The following CADM2 variants were observed in gnomAD, a reference collection of about 807,000 sequenced individuals.
The protein encoded by CADM2 is cell adhesion molecule 2.
In CADM2, 12 loss-of-function variants were observed where a neutral mutation model predicts 49.8. The observed-to-expected ratio is 0.24, with a 90% CI of 0.15 to 0.39. CADM2 has a LOEUF of 0.39. Among genes scored for constraint, CADM2 ranks in the 10% least tolerant of loss-of-function variants. The pLI is 1.00. For missense variants in CADM2, 378 were observed against 492.3 expected (o/e 0.77, Z 2.20); for synonymous variants, 214 against 175.4 (o/e 1.22, Z -1.74).
intron 1 of CADM2, among the ~76,000 whole-genome samples, chr3:85,487,502 T>G (rs1280666437): frequency 1.6e-4 from 21 of 130,420 alleles, no homozygotes; most frequent in East Asian, 2.3e-4. Flanking sequence ...GGAAGAGGAG[T>G]AGGAGGAAGT....
chr3:85,318,559 A>G (rs2044524828), intron 1 of CADM2, among the ~76,000 whole-genome samples: 1 of 152,192 alleles, frequency 6.6e-6, no homozygotes, highest in Non-Finnish European at 1.5e-5. Context: ...ACAAAGAAAC[A>G]AGGTCCAAAC....
intron 1 of CADM2, among the ~76,000 whole-genome samples, chr3:85,322,209 A>G (rs1164264461): frequency 2.0e-5 from 3 of 152,194 alleles, no homozygotes; most frequent in Non-Finnish European, 4.4e-5. Context: ...AATATATTCA[A>G]TGTTATAATA....
intron 1 of CADM2, among the ~76,000 whole-genome samples, chr3:85,554,863 CTTTATTTTTTTTATT>C (rs2061912237): frequency 1.6e-5 from 2 of 127,192 alleles, no homozygotes; most frequent in African/African-American, 5.2e-5. Context: ...TTTTATTTGA[CTTTATTTTTTTTATT>C]TTTATTTTTT....
chr3:85,232,326 T>C (rs2042312563), intron 1 of CADM2, among the ~76,000 whole-genome samples: 1 of 152,074 alleles, frequency 6.6e-6, no homozygotes, highest in South Asian at 2.1e-4. Context: ...TAGAAAATTC[T>C]GAAGTAGGAC....
At chr3:85,104,041 CTTTAG>C (rs1395840273) in intron 1 of CADM2, among the ~76,000 whole-genome samples, 2 of 152,024 alleles carry the variant, frequency 1.3e-5, no homozygotes, top group East Asian at 3.9e-4. Context: ...TGCAGAAGCT[CTTTAG>C]TTTAATTAGA....
At chr3:86,041,409 A>C (rs1559819263) in intron 8 of CADM2, among the ~76,000 whole-genome samples, 1 of 152,144 alleles carries the variant, frequency 6.6e-6, no homozygotes, top group Admixed American at 6.5e-5. Flanking sequence ...AATGGAAAAC[A>C]AAAAAAGGCA....
intron 1 of CADM2, among the ~76,000 whole-genome samples, chr3:85,362,606 C>T (rs2032439678): frequency 1.3e-5 from 2 of 152,196 alleles, no homozygotes; most frequent in South Asian, 4.1e-4. Context: ...CTTCTCTATA[C>T]ATTCACCTAT....
At chr3:85,265,047 G>C (rs879505968) in intron 1 of CADM2, among the ~76,000 whole-genome samples, 1 of 151,920 alleles carries the variant, frequency 6.6e-6, no homozygotes, top group Non-Finnish European at 1.5e-5. Flanking sequence ...AAAGCTCTTA[G>C]AACAACATTC....
At chr3:85,432,509 C>T (rs11716233) in intron 1 of CADM2, among the ~76,000 whole-genome samples, 25,275 of 151,976 alleles carry the variant, frequency 0.17, 2,643 homozygotes, top group Non-Finnish European at 0.23. Context: ...ATTGTCATTT[C>T]CAATTCTGAA....
chr3:85,369,215 G>A (rs1179759357), intron 1 of CADM2, among the ~76,000 whole-genome samples: 1 of 152,146 alleles, frequency 6.6e-6, no homozygotes, highest in Non-Finnish European at 1.5e-5. Flanking sequence ...ATTAATGATG[G>A]CGAATTGTAC....
intron 1 of CADM2, among the ~76,000 whole-genome samples, chr3:85,102,395 A>G (rs895059003): frequency 1.3e-5 from 2 of 152,212 alleles, no homozygotes; most frequent in African/African-American, 4.8e-5. Context: ...TTCAGTTACA[A>G]GCACAGAGAG....
At chr3:85,445,694 A>T (rs546249456) in intron 1 of CADM2, among the ~76,000 whole-genome samples, 1 of 152,178 alleles carries the variant, frequency 6.6e-6, no homozygotes, top group South Asian at 2.1e-4. Context: ...AGGAATTAAT[A>T]GTGGGAGGGA....
At chr3:85,069,285 T>A (rs2036637299) in intron 1 of CADM2, among the ~76,000 whole-genome samples, 1 of 152,162 alleles carries the variant, frequency 6.6e-6, no homozygotes, top group Non-Finnish European at 1.5e-5. Flanking sequence ...ATTTGTGACT[T>A]GGCTACAATT....
intron 8 of CADM2, among the ~76,000 whole-genome samples, chr3:86,009,606 A>G (rs1342576275): frequency 6.6e-6 from 1 of 151,866 alleles, no homozygotes; most frequent in Non-Finnish European, 1.5e-5. Flanking sequence ...ACTAGTTGAC[A>G]ATGTAACTAT....
chr3:85,047,516 GCAATGTGTGATGGGAGAGAAGAT>G (rs1414459046), intron 1 of CADM2, among the ~76,000 whole-genome samples: 4 of 152,096 alleles, frequency 2.6e-5, no homozygotes, highest in African/African-American at 4.8e-5. Context: ...GCAAGACCCT[GCAATGTGTGATGGGAGAGAAGAT>G]CACAAAAGGG....
intron 1 of CADM2, among the ~76,000 whole-genome samples, chr3:85,472,688 A>G (rs1204723130): frequency 6.6e-6 from 1 of 152,032 alleles, no homozygotes; most frequent in Non-Finnish European, 1.5e-5. Flanking sequence ...GAATAGCATT[A>G]CTTGAAAGCC....
intron 1 of CADM2, among the ~76,000 whole-genome samples, chr3:85,342,335 G>A (rs1419047305): frequency 1.8e-4 from 27 of 151,884 alleles, no homozygotes; most frequent in Admixed American, 1.7e-3. Context: ...GCTCATAGTG[G>A]AAAAGGCAAA....
chr3:85,383,077 C>T (rs2033994403), intron 1 of CADM2, among the ~76,000 whole-genome samples: 1 of 152,176 alleles, frequency 6.6e-6, no homozygotes, highest in Non-Finnish European at 1.5e-5. Context: ...ACCACTCAGA[C>T]ACTGCTGACT....
At chr3:85,347,223 C>CAAAAAAAAAAAAAAA (rs11331703) in intron 1 of CADM2, among the ~76,000 whole-genome samples, 1 of 46,138 alleles carries the variant, frequency 2.2e-5, no homozygotes, top group Non-Finnish European at 3.4e-5. Flanking sequence ...CTCTGTCTCA[C>CAAAAAAAAAAAAAAA]AAAAAAAAAA....
Sources: gnomAD v4.1 joint callset for allele counts (sites outside exome capture counted in the v4.1 genomes callset) on GRCh38, gnomAD v4.1.1 for gene constraint, MANE v1.5 for transcripts, NCBI Gene and HGNC (gene_info 2026-07-23, HGNC 2026-07-21) for gene names.